Variants in RPH3A observed in about 807,000 individuals in gnomAD.
RPH3A encodes the protein rabphilin-3A.
A neutral mutation model predicts 102.2 loss-of-function variants in RPH3A; 48 were observed. That is an observed-to-expected ratio of 0.47 (90% CI 0.37 to 0.60). The LOEUF (loss-of-function observed/expected upper bound fraction) is 0.60. Among genes scored for constraint, RPH3A ranks in the 20% least tolerant of loss-of-function variants. The probability of loss-of-function intolerance (pLI) is 0.00; values close to 1 mark genes in which losing one functional copy is unlikely to be tolerated. For missense variants in RPH3A, 781 were observed against 910.1 expected (o/e 0.86, Z 1.83); for synonymous variants, 310 against 324.3 (o/e 0.96, Z 0.47).
At chr12:112,892,690 C>A (rs999954663) in intron 19 of RPH3A, among the ~76,000 whole-genome samples, 1 of 152,340 alleles carries the variant, frequency 6.6e-6, no homozygotes, top group Admixed American at 6.5e-5. Flanking sequence ...CTGAGAGGTA[C>A]ATTTTCAAGG....
intron 1 of RPH3A, among the ~76,000 whole-genome samples, chr12:112,767,328 C>G (rs1190866128): frequency 1.3e-5 from 2 of 152,138 alleles, no homozygotes; most frequent in East Asian, 3.9e-4. Flanking sequence ...CCTTATTGTC[C>G]TCCTCCTCAA....
chr12:112,678,209 T>A (rs899697351), intron 1 of RPH3A, among the ~76,000 whole-genome samples: 4 of 136,504 alleles, frequency 2.9e-5, no homozygotes, highest in African/African-American at 8.3e-5. Context: ...GAAAGCAGCC[T>A]GGGCAACAGA....
At chr12:112,842,003 C>A (rs781731109) in intron 4 of RPH3A, 1 of 456,034 alleles carries the variant, frequency 2.2e-6, no homozygotes, top group South Asian at 1.5e-5. Context: ...ACTGCTACTA[C>A]CATGGCTTTG....
At chr12:112,674,814 C>G (rs1018322795) in intron 1 of RPH3A, among the ~76,000 whole-genome samples, 3 of 152,200 alleles carry the variant, frequency 2.0e-5, no homozygotes, top group African/African-American at 7.2e-5. Flanking sequence ...AATCCCTTAT[C>G]TGATGGGCAA....
chr12:112,796,838 T>G (rs2041242198), intron 2 of RPH3A, among the ~76,000 whole-genome samples: 1 of 152,078 alleles, frequency 6.6e-6, no homozygotes, highest in South Asian at 2.1e-4. Context: ...TTACTTGAGG[T>G]CAGGAGTTCA....
At chr12:112,847,124 A>T (rs1257099384) in intron 4 of RPH3A, among the ~76,000 whole-genome samples, 1 of 152,216 alleles carries the variant, frequency 6.6e-6, no homozygotes, top group Non-Finnish European at 1.5e-5. Flanking sequence ...AGAGATAATT[A>T]GGTAATGTGG....
At chr12:112,679,145 C>T (rs1248241069) in intron 1 of RPH3A, among the ~76,000 whole-genome samples, 1 of 151,914 alleles carries the variant, frequency 6.6e-6, no homozygotes, top group Non-Finnish European at 1.5e-5. Flanking sequence ...TCTGGAGTTC[C>T]TTTACTTACC....
At chr12:112,842,530 C>T (rs563563198) in intron 4 of RPH3A, among the ~76,000 whole-genome samples, 6 of 152,326 alleles carry the variant, frequency 3.9e-5, no homozygotes, top group South Asian at 2.1e-4. Flanking sequence ...CCTACTCCTG[C>T]GTCCCCTCTC....
intron 1 of RPH3A, among the ~76,000 whole-genome samples, chr12:112,754,155 A>G (rs2040805242): frequency 6.6e-6 from 1 of 152,198 alleles, no homozygotes; most frequent in East Asian, 1.9e-4. Context: ...GTTTGTGGTA[A>G]TTTGTTATAG....
intron 1 of RPH3A, among the ~76,000 whole-genome samples, chr12:112,758,197 C>A (rs543063621): frequency 6.6e-6 from 1 of 152,276 alleles, no homozygotes; most frequent in Admixed American, 6.5e-5. Context: ...GATATTCCTG[C>A]CTCTAAATGG....
intron 1 of RPH3A, among the ~76,000 whole-genome samples, chr12:112,740,158 C>T (rs2040698817): frequency 6.6e-6 from 1 of 152,040 alleles, no homozygotes; most frequent in African/African-American, 2.4e-5. Context: ...CCTTGATTTC[C>T]CTATCCGTAA....
At chr12:112,895,195 C>CT (rs1286522844) in intron 20 of RPH3A, among the ~76,000 whole-genome samples, 1 of 152,092 alleles carries the variant, frequency 6.6e-6, no homozygotes, top group Non-Finnish European at 1.5e-5. Context: ...CTCCACCTCC[C>CT]TGGTTCAAGC....
chr12:112,806,849 T>C (rs1292433329), intron 2 of RPH3A, among the ~76,000 whole-genome samples: 1 of 152,026 alleles, frequency 6.6e-6, no homozygotes, highest in Non-Finnish European at 1.5e-5. Flanking sequence ...AAGGCAAAGA[T>C]TCTAAAGAGA....
Position 112,713,219 on chromosome 12 carries a change from A to G in RPH3A, c.-139-78924A>G, listed in dbSNP as rs539489699. ...AGTGCTGGGATTATAGGCATAAGCC[A>G]CCATGCCTGACATGTATTTGTATAT... On this transcript the variant is annotated intron_variant, in intron 1 of 21. Transcript: ENST00000543106. 2.2e-3 allele frequency among the ~76,000 whole-genome samples: 334 copies of G among 151,884 alleles called. 1 individual carries two copies. The highest frequency in any genetic ancestry group is 7.7e-3 in the African/African-American group (317 of 41,418).
rs555365903 is a variant in RPH3A, at chr12:112,684,065, C to G, written c.-139-108078C>G. 5.9e-5 allele frequency among the ~76,000 whole-genome samples: 9 copies of G among 152,002 alleles called. No homozygotes were observed. The South Asian group carries it at 1.9e-3, about 32-fold the overall frequency. On this transcript the variant is annotated intron_variant, in intron 1 of 21. Coordinates refer to the RPH3A transcript ENST00000543106. ...TAGATATATAGGCATCTATCTGTAT[C>G]CATATATATAGATATCGATATGATC...
intron 1 of RPH3A, among the ~76,000 whole-genome samples, chr12:112,627,117 A>C (rs2039772437): frequency 7.2e-6 from 1 of 138,970 alleles, no homozygotes; most frequent in Admixed American, 7.4e-5. Context: ...CTAGATGACG[A>C]GTTAGTGGGT....
intron 10 of RPH3A, among the ~76,000 whole-genome samples, chr12:112,870,373 G>T (rs955943101): frequency 6.7e-6 from 1 of 150,000 alleles, no homozygotes; most frequent in African/African-American, 2.5e-5. Context: ...AAGTAAGGAT[G>T]CTTCACTCTC....
intron 3 of RPH3A, chr12:112,831,601 G>T: frequency 8.1e-6 from 2 of 245,794 alleles, no homozygotes; most frequent in Non-Finnish European, 1.6e-5. Flanking sequence ...TTGGTTCAAT[G>T]TTCAAATCTT....
rs534826112 is a variant in RPH3A at position 112,576,364 on chromosome 12, T to A, written c.-140+1045T>A. On this transcript the variant is annotated intron_variant, in intron 1 of 21. Transcript: ENST00000543106. The stretch of plus-strand genomic sequence containing the variant: ...TCCTGAGTAGCTGGGACTACAGGCA[T>A]GCACCACCACGCCTGGCTAATTTTT... Among the ~76,000 whole-genome samples the A allele has an allele frequency of 2.6e-4, 40 of 152,268 alleles. No individual in the cohort carries two copies. The East Asian group carries it at 7.5e-3, about 29-fold the overall frequency.
Sources: allele counts gnomAD v4.1 joint callset (sites outside exome capture counted in the v4.1 genomes callset), GRCh38; gene constraint gnomAD v4.1.1; transcripts MANE v1.5; gene names NCBI Gene and HGNC (gene_info 2026-07-23, HGNC 2026-07-21).